Variants in RBFOX1 observed in about 807,000 individuals in gnomAD.
RBFOX1 encodes RNA binding fox-1 homolog 1, also known as RNA binding protein fox-1 homolog 1.
In RBFOX1, 8 loss-of-function variants were observed where a neutral mutation model predicts 57.7. The ratio of observed to expected loss-of-function variants is 0.14; its 90% CI spans 0.08 to 0.25. The LOEUF is 0.25. Among genes scored for constraint, RBFOX1 ranks in the 10% least tolerant of loss-of-function variants. The probability of loss-of-function intolerance (pLI) is 1.00; values close to 1 mark genes in which losing one functional copy is unlikely to be tolerated. For missense variants in RBFOX1, 611 were observed against 548.5 expected, an observed-to-expected ratio of 1.11 and a Z score of -1.14; for synonymous variants, 326 against 222.4, an observed-to-expected ratio of 1.47 and a Z score of -4.15.
chr16:5,782,319 G>A (rs1229651722), intron 3 of RBFOX1, among the ~76,000 whole-genome samples: 1 of 152,218 alleles, frequency 6.6e-6, no homozygotes, highest in African/African-American at 2.4e-5. Context: ...ACATCTTGGT[G>A]CTTCATCCAA....
intron 3 of RBFOX1, among the ~76,000 whole-genome samples, chr16:6,853,363 C>T (rs6500857): frequency 0.77 from 117,614 of 152,062 alleles, 46,406 homozygotes; most frequent in African/African-American, 0.92. Context: ...GTAGCATACC[C>T]TAAGGGTTGG....
At chr16:6,226,384 A>AAC (rs529910081) in intron 1 of RBFOX1, among the ~76,000 whole-genome samples, 17 of 149,970 alleles carry the variant, frequency 1.1e-4, no homozygotes, top group South Asian at 6.6e-4. Context: ...CAAAAAAAAA[A>AAC]AAAAAAACAA....
intron 2 of RBFOX1, among the ~76,000 whole-genome samples, chr16:6,490,337 G>A (rs2095604197): frequency 6.6e-6 from 1 of 152,190 alleles, no homozygotes; most frequent in Non-Finnish European, 1.5e-5. Context: ...ATGAACTTCA[G>A]TTGAATAAAT....
intron 2 of RBFOX1, among the ~76,000 whole-genome samples, chr16:5,490,453 C>G (rs969243725): frequency 6.6e-6 from 1 of 152,200 alleles, no homozygotes; most frequent in Non-Finnish European, 1.5e-5. Context: ...GGTGCTCGGC[C>G]TTGTGGAGGC....
intron 3 of RBFOX1, among the ~76,000 whole-genome samples, chr16:6,691,577 C>A (rs941067588): frequency 6.6e-6 from 1 of 152,100 alleles, no homozygotes. Context: ...CATTTGATAT[C>A]ATCTTTACAT....
chr16:5,685,485 T>C (rs1384839879), intron 3 of RBFOX1, among the ~76,000 whole-genome samples: 5 of 152,206 alleles, frequency 3.3e-5, no homozygotes. Flanking sequence ...CCCAAGGTGT[T>C]CTTCTCTGAT....
intron 2 of RBFOX1, among the ~76,000 whole-genome samples, chr16:6,562,083 G>C (rs192654040): frequency 1.2e-4 from 19 of 152,286 alleles, no homozygotes; most frequent in South Asian, 4.2e-4. Context: ...CTGATGTTCA[G>C]CTGCATTTCT....
chr16:7,251,565 C>T (rs1352785679), intron 4 of RBFOX1, among the ~76,000 whole-genome samples: 2 of 152,028 alleles, frequency 1.3e-5, no homozygotes, highest in South Asian at 2.1e-4. Flanking sequence ...TGTCTCCCCT[C>T]GCCGCCATCA....
intron 4 of RBFOX1, among the ~76,000 whole-genome samples, chr16:7,391,740 C>T (rs2098027814): frequency 6.6e-6 from 1 of 152,190 alleles, no homozygotes; most frequent in Non-Finnish European, 1.5e-5. Flanking sequence ...TACGCATCCT[C>T]AGCATATGTG....
intron 4 of RBFOX1, among the ~76,000 whole-genome samples, chr16:7,345,330 G>A (rs1212857731): frequency 6.6e-6 from 1 of 152,160 alleles, no homozygotes; most frequent in Admixed American, 6.5e-5. Context: ...TGCTCTCGGG[G>A]AGGTTTTGAC....
At chr16:7,422,456 G>T (rs1226341650) in intron 4 of RBFOX1, among the ~76,000 whole-genome samples, 1 of 152,162 alleles carries the variant, frequency 6.6e-6, no homozygotes, top group East Asian at 1.9e-4. Flanking sequence ...TTCATTATAG[G>T]TTCGGGAAAT....
At chr16:6,510,239 C>G (rs1040781543) in intron 2 of RBFOX1, among the ~76,000 whole-genome samples, 4 of 152,156 alleles carry the variant, frequency 2.6e-5, no homozygotes, top group Admixed American at 6.5e-5. Flanking sequence ...CATTGAACAG[C>G]CACACCGGAA....
intron 1 of RBFOX1, among the ~76,000 whole-genome samples, chr16:5,263,048 G>A (rs1021043375): frequency 2.0e-5 from 3 of 148,814 alleles, no homozygotes; most frequent in African/African-American, 7.3e-5. Flanking sequence ...TGAAGAGACG[G>A]TTTTGCTAAC....
At chr16:7,127,097 T>C (rs2068782193) in intron 4 of RBFOX1, among the ~76,000 whole-genome samples, 1 of 151,100 alleles carries the variant, frequency 6.6e-6, no homozygotes, top group South Asian at 2.1e-4. Flanking sequence ...CAGCTATGAC[T>C]GAGGGGAGCA....
Position 6,752,223 on chromosome 16 carries a change from A to G in RBFOX1, c.-16+97573A>G, listed in dbSNP as rs185309505. 9.8e-4 allele frequency among the ~76,000 whole-genome samples: 150 copies of G among 152,302 alleles called. 1 individual carries two copies. The highest frequency in any genetic ancestry group is 3.5e-3 in the African/African-American group (145 of 41,578). On this transcript the variant is annotated intron_variant, in intron 3 of 15. Coordinates refer to ENST00000550418, the MANE Select transcript of RBFOX1 (RefSeq NM_018723.4). ...CTTTGTTCCATCAGGCAACATTAAG[A>G]TAGAAAAGTATTAAAAATATTGATT...
chr16:6,906,126 C>G (rs1012675542), intron 3 of RBFOX1, among the ~76,000 whole-genome samples: 2 of 152,116 alleles, frequency 1.3e-5, no homozygotes, highest in South Asian at 2.1e-4. Flanking sequence ...ATTATAATGC[C>G]TCACTTAGGG....
intron 1 of RBFOX1, among the ~76,000 whole-genome samples, chr16:6,029,143 T>G (rs1275136367): frequency 6.6e-6 from 1 of 152,248 alleles, no homozygotes. Context: ...CATGACTCTT[T>G]GATACAAAAG....
At chr16:7,265,531 C>A (rs755554006) in intron 4 of RBFOX1, among the ~76,000 whole-genome samples, 14 of 152,136 alleles carry the variant, frequency 9.2e-5, no homozygotes, top group Non-Finnish European at 2.1e-4. Context: ...TCACTGTAAC[C>A]TCCGCCTCCC....
chr16:7,069,843 T>C (rs2056957324), intron 4 of RBFOX1, among the ~76,000 whole-genome samples: 2 of 152,174 alleles, frequency 1.3e-5, no homozygotes, highest in Admixed American at 6.5e-5. Context: ...CATTCCCCAT[T>C]GATGTTCCCT....
Sources: allele counts gnomAD v4.1 joint callset (sites outside exome capture counted in the v4.1 genomes callset), GRCh38; gene constraint gnomAD v4.1.1; transcripts MANE v1.5; gene names NCBI Gene and HGNC (gene_info 2026-07-23, HGNC 2026-07-21).